Variants in UNC79 observed in about 807,000 individuals in gnomAD.
The protein encoded by UNC79 is unc-79 subunit of NALCN channel complex.
UNC79 carries 37 observed loss-of-function variants against 283.1 expected under a neutral mutation model. That is an observed-to-expected ratio of 0.13 (90% CI 0.10 to 0.17). The LOEUF (loss-of-function observed/expected upper bound fraction) is 0.17, where lower values mean the gene tolerates loss of function less well. Among genes scored for constraint, UNC79 ranks in the 10% least tolerant of loss-of-function variants. The pLI, the probability that UNC79 is intolerant of heterozygous loss-of-function variation, is 1.00. For missense variants in UNC79, 2,272 were observed against 3,211.1 expected (o/e 0.71, Z 7.07); for synonymous variants, 1,107 against 1,200.2 (o/e 0.92, Z 1.61).
chr14:93,518,548 T>A (rs1432575655), intron 7 of UNC79, among the ~76,000 whole-genome samples: 2 of 151,948 alleles, frequency 1.3e-5, no homozygotes, highest in African/African-American at 4.8e-5. Flanking sequence ...CTGATTTCAA[T>A]TTCATTGATT....
chr14:93,408,705 A>G (rs1465110537), intron 1 of UNC79, among the ~76,000 whole-genome samples: 3 of 152,194 alleles, frequency 2.0e-5, no homozygotes, highest in Non-Finnish European at 2.9e-5. Flanking sequence ...AAAAACCCAC[A>G]AAGTGTAAAA....
At chr14:93,510,771 A>G (rs1417256264) in intron 7 of UNC79, among the ~76,000 whole-genome samples, 2 of 152,294 alleles carry the variant, frequency 1.3e-5, no homozygotes, top group East Asian at 1.9e-4. Flanking sequence ...AGGAAGTTCC[A>G]AACTTTCTGT....
rs775065328 is a variant in UNC79, at chr14:93,622,297, T to A, written c.5064T>A (p.Ser1688Arg). 7 of 1,614,068 alleles carry A rather than the reference T, an allele frequency of 4.3e-6. No homozygotes were observed. In the South Asian group the frequency reaches 7.7e-5, roughly 18 times the overall value. ...GCACAGCTCCGCTTGTACAAGTAAGTGTGGAGGATTGTTCCAAAGACTTTT... is the reference window on the plus strand; with the variant it reads ...GCACAGCTCCGCTTGTACAAGTAAGAGTGGAGGATTGTTCCAAAGACTTTT... Residue 1688 changes from serine (S) to arginine (R), a missense_variant, in exon 30 of 49, where the codon AGT (serine) becomes AGA (arginine). Physicochemically the swap from Ser to Arg is moderately radical, Grantham distance 110 (BLOSUM62 -1). Around this residue, in one of 11 missense-constraint regions of UNC79, gnomAD observed 580 missense variants for 632.2 expected, o/e 0.92. Transcript: ENST00000555664.
rs111321003 is a variant in UNC79, at chr14:93,528,397, G to T, written c.964-161G>T. On this transcript the variant is annotated intron_variant, in intron 8 of 48. Transcript: ENST00000555664. ...ATCCTCAGGGTGGACTCATCAGCTA[G>T]TCCAGGGAGAAACATTTATCGGTAA... Among the ~76,000 whole-genome samples the T allele has an allele frequency of 8.5e-3, 1,300 of 152,290 alleles. 20 individuals are homozygous for T. Among genetic ancestry groups the T allele is most frequent in the African/African-American group, 0.03 (1,244 of 41,552 alleles).
chr14:93,435,283 G>A (rs529555908), intron 1 of UNC79, among the ~76,000 whole-genome samples: 19 of 152,152 alleles, frequency 1.2e-4, no homozygotes, highest in Non-Finnish European at 2.5e-4. Flanking sequence ...TTTAGCTCTC[G>A]TCTTACATGA....
chr14:93,544,610 A>C (rs1437949355), intron 14 of UNC79, among the ~76,000 whole-genome samples: 1 of 152,236 alleles, frequency 6.6e-6, no homozygotes, highest in Non-Finnish European at 1.5e-5. Flanking sequence ...CTTCCCTTGA[A>C]GTTTCAACAT....
rs113544100 is a variant in UNC79, at chr14:93,493,378, A to C, written c.713-3033A>C. Among the ~76,000 whole-genome samples, 1,472 of 152,150 alleles carry C rather than the reference A, an allele frequency of 9.7e-3. 25 individuals are homozygous for C. The highest frequency in any genetic ancestry group is 0.034 in the African/African-American group (1,391 of 41,496). ...GTTAGGGAGGCCTGCGTTTATTCCAAATCTGATGGGAAGCTGCTGAACGGC... is the reference window on the plus strand; with the variant it reads ...GTTAGGGAGGCCTGCGTTTATTCCACATCTGATGGGAAGCTGCTGAACGGC... On this transcript the variant is annotated intron_variant, in intron 5 of 48. Transcript: ENST00000555664.
intron 1 of UNC79, among the ~76,000 whole-genome samples, chr14:93,404,513 T>TATATATATATATATATAAAA (rs1229909876): frequency 8.8e-6 from 1 of 113,292 alleles, no homozygotes; most frequent in Non-Finnish European, 1.8e-5. Flanking sequence ...TATATATATA[T>TATATATATATATATATAAAA]AAATATATAC....
chr14:93,449,960 A>G (rs1355781664), intron 1 of UNC79, among the ~76,000 whole-genome samples: 1 of 152,254 alleles, frequency 6.6e-6, no homozygotes, highest in Non-Finnish European at 1.5e-5. Context: ...AAGTGTGTAC[A>G]TAATTGTACG....
chr14:93,382,398 CTGTCAAGA>C (rs1238897847), intron 1 of UNC79, among the ~76,000 whole-genome samples: 3 of 152,072 alleles, frequency 2.0e-5, no homozygotes, highest in Non-Finnish European at 4.4e-5. Flanking sequence ...TCTTCAGGAC[CTGTCAAGA>C]TGTCAAGATG....
intron 26 of UNC79, among the ~76,000 whole-genome samples, chr14:93,611,158 T>C (rs1445250681): frequency 6.6e-6 from 1 of 152,240 alleles, no homozygotes; most frequent in Admixed American, 6.5e-5. Flanking sequence ...TGAAACACTG[T>C]AATAAACAAA....
chr14:93,615,325 G>A (rs1242058748), intron 27 of UNC79, among the ~76,000 whole-genome samples: 1 of 152,054 alleles, frequency 6.6e-6, no homozygotes, highest in Admixed American at 6.6e-5. Flanking sequence ...TAACTGGATG[G>A]ATCACCGCTT....
chr14:93,526,771 A>G (rs1567052537), intron 8 of UNC79, among the ~76,000 whole-genome samples: 2 of 152,206 alleles, frequency 1.3e-5, no homozygotes, highest in Non-Finnish European at 2.9e-5. Flanking sequence ...ATGATTATTT[A>G]TAGTTTTAGC....
chr14:93,471,943 A>G (rs950679164), intron 2 of UNC79, among the ~76,000 whole-genome samples: 1 of 152,174 alleles, frequency 6.6e-6, no homozygotes, highest in Non-Finnish European at 1.5e-5. Context: ...TACTTTGGAA[A>G]AATACTAAGG....
chr14:93,632,143 G>A (rs1189249320), intron 31 of UNC79, among the ~76,000 whole-genome samples: 2 of 152,174 alleles, frequency 1.3e-5, no homozygotes, highest in Non-Finnish European at 2.9e-5. Context: ...GACTTACAAA[G>A]CCATGTTCAT....
chr14:93,512,682 A>G (rs1250968654), intron 7 of UNC79, among the ~76,000 whole-genome samples: 1 of 152,074 alleles, frequency 6.6e-6, no homozygotes, highest in African/African-American at 2.4e-5. Flanking sequence ...GTAATTTTAT[A>G]TATGCTATCT....
chr14:93,597,598 C>G (rs2065165016), intron 24 of UNC79, 58 bp downstream of exon 24: 1 of 1,543,376 alleles, frequency 6.5e-7, no homozygotes, highest in Admixed American at 1.9e-5. Flanking sequence ...ACTACTAAAT[C>G]ATTGCGTTGT....
Position 93,690,166 on chromosome 14 carries a change from C to T in UNC79, c.7135C>T (p.Leu2379=). 1.2e-6 allele frequency: 2 copies of T among 1,614,182 alleles called. No homozygotes were observed. The highest frequency in any genetic ancestry group is 1.7e-6 in the Non-Finnish European group (2 of 1,180,026). Reference sequence around the variant, plus strand: ...CTCCCATATCCGACTGTTGTCCTGGCTGCTGCTGGGTTCCCTCACTCACAA... The same window carrying T: ...CTCCCATATCCGACTGTTGTCCTGGTTGCTGCTGGGTTCCCTCACTCACAA... The change falls in exon 45 of 49, where the codon CTG becomes TTG. Residue 2379 remains leucine (L), a synonymous_variant. Transcript: ENST00000555664. This position sits in a 1 kb window ranked among gnomAD's most constrained non-coding sequence, Gnocchi z 4.3.
At position 93,422,529 on chromosome 14, in the gene UNC79, G is replaced by A. The variant is rs954925570; in HGVS notation, c.-350-45142G>A. Among the ~76,000 whole-genome samples the A allele has an allele frequency of 6.6e-5, 10 of 152,218 alleles. No homozygotes were observed. The East Asian group carries it at 1.4e-3, about 21-fold the overall frequency. Reference sequence around the variant, plus strand: ...TGTCTGACCCCTCCATTCCCATCACGTTCTGAACCAGTTTTTCAGGTTAAC... The same window carrying A: ...TGTCTGACCCCTCCATTCCCATCACATTCTGAACCAGTTTTTCAGGTTAAC... On this transcript the variant is annotated intron_variant, in intron 1 of 49. Transcript: ENST00000256339.
Sources: gnomAD v4.1 joint callset for allele counts (sites outside exome capture counted in the v4.1 genomes callset) on GRCh38, gnomAD v4.1.1 for gene constraint, gnomAD v4.1.1 regional missense constraint, Gnocchi (gnomAD v3.1) non-coding constraint, MANE v1.5 for transcripts, NCBI Gene and HGNC (gene_info 2026-07-23, HGNC 2026-07-21) for gene names.